The following PHF20L1 variants were observed in gnomAD, a reference collection of about 807,000 sequenced individuals.
PHF20L1 encodes PHD finger protein 20 like 1.
PHF20L1 carries 44 observed loss-of-function variants against 125.5 expected under a neutral mutation model. That is an observed-to-expected ratio of 0.35 (90% CI 0.28 to 0.45). The LOEUF (loss-of-function observed/expected upper bound fraction) is 0.45. Ranked by LOEUF, PHF20L1 falls within the 20% of genes least tolerant of loss-of-function variation. PHF20L1 has a pLI of 1.00. For missense variants in PHF20L1, 1,012 were observed against 1,217.2 expected, an observed-to-expected ratio of 0.83 and a Z score of 2.51; for synonymous variants, 380 against 403.1, an observed-to-expected ratio of 0.94 and a Z score of 0.69.
intron 14 of PHF20L1, among the ~76,000 whole-genome samples, chr8:132,829,421 G>A (rs1009876278): frequency 3.3e-5 from 5 of 151,938 alleles, no homozygotes; most frequent in African/African-American, 7.3e-5. Flanking sequence ...TTTATTATTC[G>A]AATTAAATAA....
intron 14 of PHF20L1, among the ~76,000 whole-genome samples, 161 bp downstream of exon 14, chr8:132,825,532 A>G (rs2131786737): frequency 6.6e-6 from 1 of 152,112 alleles, no homozygotes; most frequent in Admixed American, 6.6e-5. Context: ...TTTCAAAAAT[A>G]TACTACTCTG....
rs772976175 is a variant in PHF20L1, at chr8:132,799,180, C to T, written c.507+8C>T. The T allele has an allele frequency of 1.3e-6, 2 of 1,576,904 alleles. No homozygotes were observed. Among genetic ancestry groups the T allele is most frequent in the Non-Finnish European group, 1.7e-6 (2 of 1,155,148 alleles). ...CAGTCTATGGGAAGTGAGGTAAGAG[C>T]CTTTTTTTTAAAAATTTTGTTTTGT... On this transcript the variant is annotated splice_region_variant and intron_variant, in intron 6 of 20. Coordinates refer to ENST00000395386, the MANE Select transcript of PHF20L1 (RefSeq NM_016018.5).
At chr8:132,800,719 C>T (rs1465692127) in intron 6 of PHF20L1, among the ~76,000 whole-genome samples, 1 of 151,478 alleles carries the variant, frequency 6.6e-6, no homozygotes, top group Non-Finnish European at 1.5e-5. Flanking sequence ...CTAAATAAGT[C>T]TTAATTCTGT....
intron 14 of PHF20L1, 110 bp from the exon 15 acceptor site, chr8:132,832,125 G>A: frequency 1.4e-6 from 1 of 723,962 alleles, no homozygotes; most frequent in South Asian, 1.8e-5. Context: ...AGAAGCGAAA[G>A]TGGTAGCATG....
rs752370623 is a variant in PHF20L1 at position 132,842,663 on chromosome 8, C to T, written c.2536C>T (p.Pro846Ser). 7 of 1,613,188 alleles carry T rather than the reference C, an allele frequency of 4.3e-6. 1 individual carries two copies. In the South Asian group the frequency reaches 6.6e-5, roughly 15 times the overall value. Reference sequence around the variant, plus strand: ...ATATGTACAGAACCATAAAGAACCACCTCGTTTGCCCCTAAAAATGGAAGG... The same window carrying T: ...ATATGTACAGAACCATAAAGAACCATCTCGTTTGCCCCTAAAAATGGAAGG... The part of the protein sequence containing the change: ...KKYVQNHKEP[P>S]RLPLKMEGTY... The change falls in exon 19 of 21, where the codon CCT (proline) becomes TCT (serine). Residue 846 changes from proline (P) to serine (S), a missense_variant. Around this residue, in one of 7 missense-constraint regions of PHF20L1, gnomAD observed 277 missense variants for 283.6 expected, o/e 0.98. Transcript: ENST00000395386.
chr8:132,830,598 C>T (rs749229987), intron 14 of PHF20L1, among the ~76,000 whole-genome samples: 1 of 152,022 alleles, frequency 6.6e-6, no homozygotes, highest in Non-Finnish European at 1.5e-5. Flanking sequence ...ACTTGACATC[C>T]TTTTCCTCAC....
intron 19 of PHF20L1, chr8:132,843,262 TA>T: frequency 2.0e-6 from 2 of 984,726 alleles, no homozygotes; most frequent in Non-Finnish European, 2.4e-6. Flanking sequence ...GGTGGCACTC[TA>T]ATTGTCTGTT....
chr8:132,845,394 A>G (rs1392801496), intron 20 of PHF20L1, among the ~76,000 whole-genome samples: 1 of 152,070 alleles, frequency 6.6e-6, no homozygotes, highest in Non-Finnish European at 1.5e-5. Context: ...CTAAATTAAT[A>G]GAAAGCTTGA....
At chr8:132,775,686 C>T (rs1334249884) in intron 1 of PHF20L1, 41 bp downstream of exon 1, 2 of 327,598 alleles carry the variant, frequency 6.1e-6, no homozygotes. Context: ...CCGCCTGGCC[C>T]CCGCCGGGCC....
At chr8:132,791,683 C>T (rs924617367) in intron 2 of PHF20L1, among the ~76,000 whole-genome samples, 2 of 152,062 alleles carry the variant, frequency 1.3e-5, no homozygotes, top group East Asian at 3.9e-4. Flanking sequence ...ATTTTTAACA[C>T]CTTTAAGATT....
chr8:132,801,762 T>C (rs1833076619), intron 6 of PHF20L1, among the ~76,000 whole-genome samples: 1 of 132,322 alleles, frequency 7.6e-6, no homozygotes, highest in Non-Finnish European at 1.7e-5. Flanking sequence ...AAACACAAAA[T>C]AGAACTCAAC....
chr8:132,803,548 T>C (rs985084306), intron 6 of PHF20L1: 2 of 360,946 alleles, frequency 5.5e-6, no homozygotes, highest in Non-Finnish European at 1.0e-5. Flanking sequence ...TCTGCTATTT[T>C]AGATTTTATT....
chr8:132,822,696 T>C (rs142349806), intron 12 of PHF20L1, among the ~76,000 whole-genome samples: 179 of 152,136 alleles, frequency 1.2e-3, no homozygotes, highest in South Asian at 4.6e-3. Context: ...CTTTCATTTT[T>C]TCTGTCATAA....
intron 14 of PHF20L1, among the ~76,000 whole-genome samples, chr8:132,830,835 C>T (rs1836692521): frequency 6.6e-6 from 1 of 152,048 alleles, no homozygotes; most frequent in Non-Finnish European, 1.5e-5. Flanking sequence ...CTCTTCTAAA[C>T]TTCTGTTTCT....
rs1347896352 is a variant in PHF20L1, at chr8:132,848,369, TGAA to T, written c.*2449_*2451del. Reference sequence around the variant, plus strand: ...AAGTAGTGCGCTGAGCTTTTCTTATTGAAGAGAGTGAATTAGTTTCTGAGAAGT... The same window carrying T: ...AAGTAGTGCGCTGAGCTTTTCTTATTGAGAGTGAATTAGTTTCTGAGAAGT... On this transcript the variant is annotated 3_prime_UTR_variant, in exon 21 of 21. Coordinates refer to ENST00000395386, the MANE Select transcript of PHF20L1 (RefSeq NM_016018.5). The T allele has an allele frequency of 6.5e-6, 1 of 152,702 alleles. No individual in the cohort carries two copies. The highest frequency in any genetic ancestry group is 1.9e-4 in the East Asian group (1 of 5,186). 9.5% of individuals were successfully genotyped at this position (152,702 alleles called of 1,614,324 possible). A position where few individuals can be genotyped will look rare whatever the true frequency, so the allele number is the denominator to read the frequency against.
At chr8:132,826,195 T>A (rs1476251495) in intron 14 of PHF20L1, 2 of 152,106 alleles carry the variant, frequency 1.3e-5, no homozygotes, top group Non-Finnish European at 2.9e-5. Context: ...ATAGGATTGG[T>A]ATGCAAAATT....
chr8:132,820,685 T>C (rs909484042), intron 12 of PHF20L1, among the ~76,000 whole-genome samples: 1 of 151,982 alleles, frequency 6.6e-6, no homozygotes, highest in African/African-American at 2.4e-5. Flanking sequence ...ATGTCTGTGG[T>C]CACTTTTGGC....
intron 8 of PHF20L1, 184 bp from the exon 9 acceptor site, chr8:132,810,862 G>A: frequency 1.9e-6 from 1 of 533,542 alleles, no homozygotes; most frequent in Non-Finnish European, 3.4e-6. Flanking sequence ...CAACTCTCAA[G>A]TTCTGATTCA....
At chr8:132,801,646 TTGAG>T (rs1341563375) in intron 6 of PHF20L1, among the ~76,000 whole-genome samples, 2 of 151,684 alleles carry the variant, frequency 1.3e-5, no homozygotes, top group African/African-American at 4.8e-5. Context: ...TGTGTTATAT[TTGAG>T]TGATGGACAC....
Sources: allele counts gnomAD v4.1 joint callset (sites outside exome capture counted in the v4.1 genomes callset), GRCh38; gene constraint gnomAD v4.1.1; regional missense constraint gnomAD v4.1.1; transcripts MANE v1.5; gene names NCBI Gene and HGNC (gene_info 2026-07-23, HGNC 2026-07-21).